Variants in GAS2 observed in about 807,000 individuals in gnomAD.
The protein encoded by GAS2 is growth arrest-specific protein 2.
In GAS2, 20 loss-of-function variants were observed where a neutral mutation model predicts 37.5. That is an observed-to-expected ratio of 0.53 (90% CI 0.37 to 0.77). GAS2 has a LOEUF of 0.77. GAS2 is among the 30% of genes least tolerant of loss of function. GAS2 has a pLI of 0.00. For missense variants in GAS2, 336 were observed against 373.4 expected (o/e 0.90, Z 0.82); for synonymous variants, 144 against 132.2 (o/e 1.09, Z -0.61).
rs1183335074 is a variant in GAS2 at position 22,812,821 on chromosome 11, T to C, written c.*805T>C. 6.6e-6 allele frequency: 1 copy of C among 152,520 alleles called. No individual in the cohort carries two copies. Among genetic ancestry groups the C allele is most frequent in the East Asian group, 1.9e-4 (1 of 5,198 alleles). The allele number at this position is 152,520 out of a possible 1,614,324, so 9.4% of individuals were successfully genotyped here. A position where few individuals can be genotyped will look rare whatever the true frequency, so the allele number is the denominator to read the frequency against. On this transcript the variant is annotated 3_prime_UTR_variant, in exon 8 of 8. Transcript: ENST00000454584. ...TTTCAAAGCATTTTCTTATTAAAAA[T>C]ATATCTTTAGTTAATCCTATTTTGC... is the stretch of plus-strand genomic sequence containing the variant.
At chr11:22,781,162 A>C (rs1855539628) in intron 7 of GAS2, among the ~76,000 whole-genome samples, 1 of 152,142 alleles carries the variant, frequency 6.6e-6, no homozygotes, top group African/African-American at 2.4e-5. Context: ...GTCCTTTGGC[A>C]AACAAGGGAC....
chr11:22,729,789 A>G (rs1018220528), intron 4 of GAS2, among the ~76,000 whole-genome samples: 3 of 148,834 alleles, frequency 2.0e-5, no homozygotes, highest in Admixed American at 6.8e-5. Context: ...AAAAATAGCT[A>G]AATTAAGAAA....
chr11:22,663,755 C>T (rs1271689513), upstream of GAS2, among the ~76,000 whole-genome samples: 1 of 152,026 alleles, frequency 6.6e-6, no homozygotes, highest in Non-Finnish European at 1.5e-5. Flanking sequence ...TAGCATTTAT[C>T]GTTTAAAATT....
At chr11:22,637,965 T>G (rs1858859813) in intron 1 of GAS2, among the ~76,000 whole-genome samples, 1 of 151,882 alleles carries the variant, frequency 6.6e-6, no homozygotes, top group Non-Finnish European at 1.5e-5. Flanking sequence ...TATTCCCACT[T>G]TTTCTTTTTC....
In GAS2 at chr11:22,728,523, A is replaced by G. The variant is rs191427521; in HGVS notation, c.409+2090A>G. ...TATATTCTGACATTATAAAAAGCCC[A>G]TAAGTTATATATATTATATATATAA... On this transcript the variant is annotated intron_variant, in intron 4 of 7. Transcript: ENST00000454584. Among the ~76,000 whole-genome samples the G allele has an allele frequency of 3.4e-3, 520 of 151,416 alleles. 3 individuals are homozygous for G. The highest frequency in any genetic ancestry group is 0.012 in the African/African-American group (496 of 41,450).
chr11:22,718,603 T>C (rs908726044), intron 3 of GAS2, among the ~76,000 whole-genome samples: 1 of 151,834 alleles, frequency 6.6e-6, no homozygotes, highest in African/African-American at 2.4e-5. Flanking sequence ...ATCTCAGAAA[T>C]TATACCTAAA....
chr11:22,675,229 T>C (rs1849370045), intron 2 of GAS2, among the ~76,000 whole-genome samples: 1 of 152,218 alleles, frequency 6.6e-6, no homozygotes, highest in South Asian at 2.1e-4. Context: ...TCCAATATGA[T>C]GCACTCAAAT....
Position 22,732,139 on chromosome 11 carries a change from C to T in GAS2, c.410-5566C>T, listed in dbSNP as rs114101778. ...GTTATAGAAAGATGTACTTTGTCTG[C>T]GTTCATTTTAGATGTTATTAGAATT... On this transcript the variant is annotated intron_variant, in intron 4 of 7. Coordinates refer to ENST00000454584, the MANE Select transcript of GAS2 (RefSeq NM_001143830.3). 7.4e-3 allele frequency among the ~76,000 whole-genome samples: 1,129 copies of T among 151,680 alleles called. 22 individuals are homozygous for T. Among genetic ancestry groups the T allele is most frequent in the African/African-American group, 0.026 (1,070 of 41,448 alleles).
At chr11:22,740,629 C>G (rs1853024508) in intron 5 of GAS2, among the ~76,000 whole-genome samples, 1 of 152,144 alleles carries the variant, frequency 6.6e-6, no homozygotes, top group Non-Finnish European at 1.5e-5. Flanking sequence ...GTTGCAAATT[C>G]AAACGTGTTT....
intron 7 of GAS2, among the ~76,000 whole-genome samples, chr11:22,769,533 GAAGATGA>G (rs1854868828): frequency 6.6e-6 from 1 of 152,188 alleles, no homozygotes. Context: ...GAGGAAAAGT[GAAGATGA>G]AATATTCTAA....
chr11:22,635,747 C>T lies in GAS2; in HGVS notation c.-21+9934C>T, dbSNP rs140969114. On this transcript the variant is annotated intron_variant, in intron 1 of 5. Coordinates refer to the GAS2 transcript ENST00000528582. ...GCTGCCTAAGTTAACTGACTGACTT[C>T]TGTGAGGTAGGATTTGGAATGGCTT... 7.6e-4 allele frequency among the ~76,000 whole-genome samples: 116 copies of T among 152,346 alleles called. 1 individual carries two copies. Among genetic ancestry groups the T allele is most frequent in the African/African-American group, 2.7e-3 (111 of 41,584 alleles).
chr11:22,707,855 A>T (rs1851200993), intron 3 of GAS2, among the ~76,000 whole-genome samples: 1 of 152,198 alleles, frequency 6.6e-6, no homozygotes. Flanking sequence ...GTAAACATTG[A>T]GCTGGAGAAT....
At chr11:22,681,722 G>A (rs148613680) in intron 2 of GAS2, among the ~76,000 whole-genome samples, 18 of 152,244 alleles carry the variant, frequency 1.2e-4, no homozygotes, top group African/African-American at 4.1e-4. Flanking sequence ...TTGATTCTGT[G>A]TAACAGAGAT....
intron 1 of GAS2, among the ~76,000 whole-genome samples, chr11:22,660,570 C>G (rs532616651): frequency 1.0e-3 from 154 of 152,296 alleles, no homozygotes; most frequent in African/African-American, 3.6e-3. Flanking sequence ...TTGCCTGTAA[C>G]TTTTAGCAAA....
chr11:22,642,370 C>A (rs1015653125), intron 1 of GAS2, among the ~76,000 whole-genome samples: 8 of 152,078 alleles, frequency 5.3e-5, no homozygotes, highest in African/African-American at 1.9e-4. Flanking sequence ...TTCTCATTTA[C>A]GTGATTGGGT....
chr11:22,644,868 C>T lies in GAS2; in HGVS notation c.-21+19055C>T, dbSNP rs892650951. On this transcript the variant is annotated intron_variant, in intron 1 of 5. Coordinates refer to the GAS2 transcript ENST00000528582. ...GAACCCCTGGACTCAAAGTGATCTG[C>T]CTGCCTAAGCCTCCCAAAGTGCTGG... Among the ~76,000 whole-genome samples the T allele has an allele frequency of 5.3e-5, 8 of 152,196 alleles. No individual in the cohort carries two copies. The South Asian group carries it at 1.4e-3, about 28-fold the overall frequency.
intron 7 of GAS2, among the ~76,000 whole-genome samples, chr11:22,793,526 G>A (rs1856282958): frequency 6.6e-6 from 1 of 152,102 alleles, no homozygotes; most frequent in Non-Finnish European, 1.5e-5. Context: ...AATGTTTGGA[G>A]CCTATTAGAT....
chr11:22,792,705 A>G (rs1478337966), intron 7 of GAS2, among the ~76,000 whole-genome samples: 1 of 152,212 alleles, frequency 6.6e-6, no homozygotes, highest in African/African-American at 2.4e-5. Flanking sequence ...GGGTGGCCCC[A>G]TGGAACAATA....
intron 7 of GAS2, among the ~76,000 whole-genome samples, chr11:22,805,447 A>C (rs1040490799): frequency 2.0e-5 from 3 of 152,100 alleles, no homozygotes; most frequent in African/African-American, 7.2e-5. Context: ...TATAGTCATC[A>C]TGCAGTACAA....
Sources: allele counts gnomAD v4.1 joint callset (sites outside exome capture counted in the v4.1 genomes callset), GRCh38; gene constraint gnomAD v4.1.1; transcripts MANE v1.5; gene names NCBI Gene and HGNC (gene_info 2026-07-23, HGNC 2026-07-21).